C1orf198: variants seen among roughly 807,000 people sequenced by gnomAD.
C1orf198 encodes the protein uncharacterized protein C1orf198.
In C1orf198, 17 loss-of-function variants were observed where a neutral mutation model predicts 31.4. That is an observed-to-expected ratio of 0.54 (90% CI 0.37 to 0.81). The LOEUF (loss-of-function observed/expected upper bound fraction) is 0.81, where lower values mean the gene tolerates loss of function less well. Ranked by LOEUF, C1orf198 falls within the 40% of genes least tolerant of loss-of-function variation. The probability of loss-of-function intolerance (pLI) is 0.00; values close to 1 mark genes in which losing one functional copy is unlikely to be tolerated. For missense variants in C1orf198, 401 were observed against 450.3 expected (o/e 0.89, Z 0.99); for synonymous variants, 175 against 193.8 (o/e 0.90, Z 0.81).
At chr1:230,864,340 A>G (rs1279538183) in intron 1 of C1orf198, among the ~76,000 whole-genome samples, 2 of 152,208 alleles carry the variant, frequency 1.3e-5, no homozygotes, top group African/African-American at 2.4e-5. Flanking sequence ...GCAGTTTGCT[A>G]AACATAGGTA....
In C1orf198 at chr1:230,844,539, T is replaced by C. The variant is rs371223231; in HGVS notation, c.385-643A>G. On this transcript the variant is annotated intron_variant, in intron 2 of 3. Transcript: ENST00000366663. ...TTAAAACAACACAAGAACACACTGA[T>C]ACACTCCCTCATGCACTATGCTACA... 5.3e-5 allele frequency among the ~76,000 whole-genome samples: 8 copies of C among 152,284 alleles called. No individual in the cohort carries two copies. The South Asian group carries it at 8.3e-4, about 16-fold the overall frequency.
chr1:230,862,951 T>C (rs1174220193), intron 1 of C1orf198, among the ~76,000 whole-genome samples: 1 of 152,230 alleles, frequency 6.6e-6, no homozygotes, highest in Non-Finnish European at 1.5e-5. Context: ...ACTTTGTACC[T>C]TCTGCTCAAT....
Position 230,857,927 on chromosome 1 carries a change from G to A in C1orf198, c.334-2209C>T, listed in dbSNP as rs1202572. Among the ~76,000 whole-genome samples, 14,421 of 152,284 alleles carry A rather than the reference G, an allele frequency of 0.095. 862 individuals are homozygous for A. The highest frequency in any genetic ancestry group is 0.22 in the Middle Eastern group (66 of 294). On this transcript the variant is annotated intron_variant, in intron 1 of 3. Transcript: ENST00000366663. This position sits in a 1 kb window ranked among gnomAD's most constrained non-coding sequence, Gnocchi z 4.2. ...CTCAGAGTGTTACAGTCACTGTCCT[G>A]TAATGGTATTTGCTTATGATCCTGA...
chr1:230,855,214 T>C (rs562324889), intron 2 of C1orf198, among the ~76,000 whole-genome samples: 27 of 152,206 alleles, frequency 1.8e-4, no homozygotes, highest in African/African-American at 6.0e-4. Context: ...GAATTAGTGA[T>C]CCACGTTGGG....
At chr1:230,842,955 C>T (rs780133353) in intron 3 of C1orf198, among the ~76,000 whole-genome samples, 14 of 152,122 alleles carry the variant, frequency 9.2e-5, no homozygotes, top group Non-Finnish European at 1.3e-4. Context: ...GCTCCCCTGG[C>T]CCAAATCCAG....
chr1:230,849,258 G>A (rs112729721), intron 2 of C1orf198, among the ~76,000 whole-genome samples: 11 of 152,192 alleles, frequency 7.2e-5, no homozygotes, highest in African/African-American at 2.4e-4. Context: ...CCTCTCCCAC[G>A]GCACTGAGCA....
intron 1 of C1orf198, among the ~76,000 whole-genome samples, chr1:230,864,824 T>C (rs73105766): frequency 0.1 from 15,518 of 152,060 alleles, 1,979 homozygotes; most frequent in African/African-American, 0.3. Flanking sequence ...GACAAGAAGA[T>C]TGGGGGCAGG....
chr1:230,855,903 C>G, intron 1 of C1orf198, 185 bp from the exon 2 acceptor site: 1 of 1,355,294 alleles, frequency 7.4e-7, no homozygotes, highest in East Asian at 2.7e-5. Flanking sequence ...GCTCCCTCAT[C>G]TTTCCCGCTG....
At chr1:230,859,600 AG>A (rs1669963465) in intron 1 of C1orf198, among the ~76,000 whole-genome samples, 1 of 152,182 alleles carries the variant, frequency 6.6e-6, no homozygotes, top group Non-Finnish European at 1.5e-5. Context: ...GCCAAAAAGC[AG>A]GGGGGAAGCT....
Position 230,857,579 on chromosome 1 carries a change from T to G in C1orf198, c.334-1861A>C, listed in dbSNP as rs1434735624. On this transcript the variant is annotated intron_variant, in intron 1 of 3. Transcript: ENST00000366663. The surrounding 1 kb of genome is among the most constrained non-coding windows in gnomAD (Gnocchi z 4.2). ...TGCTGTGTGCCTTGGCTCTGTGCAGTAGAGGCTGGTACATTTGTGGCACAA... is the reference window on the plus strand; with the variant it reads ...TGCTGTGTGCCTTGGCTCTGTGCAGGAGAGGCTGGTACATTTGTGGCACAA... 6.6e-6 allele frequency among the ~76,000 whole-genome samples: 1 copy of G among 152,178 alleles called. No individual in the cohort carries two copies. Among genetic ancestry groups the G allele is most frequent in the East Asian group, 1.9e-4 (1 of 5,168 alleles).
intron 2 of C1orf198, among the ~76,000 whole-genome samples, chr1:230,853,723 C>T (rs1348421525): frequency 1.3e-5 from 2 of 152,168 alleles, no homozygotes; most frequent in Non-Finnish European, 2.9e-5. Flanking sequence ...ATGAAGACTA[C>T]ACTTTACTAA....
intron 2 of C1orf198, among the ~76,000 whole-genome samples, chr1:230,849,418 G>A (rs764617795): frequency 1.1e-4 from 16 of 152,184 alleles, no homozygotes; most frequent in Non-Finnish European, 2.4e-4. Context: ...TGAGACAGGG[G>A]AGATAGGAGA....
rs1334272489 is a variant in C1orf198, at chr1:230,838,501, T to C, written c.*1351A>G. 1 of 147,566 alleles carries C rather than the reference T, an allele frequency of 6.8e-6. No individual in the cohort carries two copies. Among genetic ancestry groups the C allele is most frequent in the African/African-American group, 2.6e-5 (1 of 38,198 alleles). The allele number at this position is 147,566 out of a possible 1,614,324, so 9.1% of individuals were successfully genotyped here. A position where few individuals can be genotyped will look rare whatever the true frequency, so the allele number is the denominator to read the frequency against. On this transcript the variant is annotated 3_prime_UTR_variant, in exon 4 of 4. Coordinates refer to ENST00000366663, the MANE Select transcript of C1orf198 (RefSeq NM_032800.3). The surrounding 1 kb of genome is among the most constrained non-coding windows in gnomAD (Gnocchi z 4.2). ...CTGGAAATCATTTCAGAAGGTCCTA[T>C]GAAACAGGCATTTAAAAAAAAAAAA... is the stretch of plus-strand genomic sequence containing the variant.
rs1453673485 is a variant in C1orf198 at position 230,838,697 on chromosome 1, G to A, written c.*1155C>T. 1.3e-5 allele frequency: 2 copies of A among 152,770 alleles called. No individual in the cohort carries two copies. Among genetic ancestry groups the A allele is most frequent in the African/African-American group, 4.8e-5 (2 of 41,448 alleles). 9.5% of individuals were successfully genotyped at this position (152,770 alleles called of 1,614,324 possible). A position where few individuals can be genotyped will look rare whatever the true frequency, so the allele number is the denominator to read the frequency against. ...GGCTCACACGGCTCAGGGGCCACTG[G>A]GCAGGACAGCCTCTGAGTGCAGCAG... On this transcript the variant is annotated 3_prime_UTR_variant, in exon 4 of 4. Coordinates refer to ENST00000366663, the MANE Select transcript of C1orf198 (RefSeq NM_032800.3). The surrounding 1 kb of genome is among the most constrained non-coding windows in gnomAD (Gnocchi z 4.2).
At chr1:230,842,761 A>T (rs1314439628) in intron 3 of C1orf198, among the ~76,000 whole-genome samples, 1 of 152,096 alleles carries the variant, frequency 6.6e-6, no homozygotes, top group Non-Finnish European at 1.5e-5. Flanking sequence ...ATTAAAAAAA[A>T]AAAGAGTGAC....
At chr1:230,855,895 T>G in intron 1 of C1orf198, 177 bp from the exon 2 acceptor site, 3 of 1,367,492 alleles carry the variant, frequency 2.2e-6, no homozygotes, top group Non-Finnish European at 2.8e-6. Context: ...ATCAGATTGC[T>G]CCCTCATCTT....
At chr1:230,852,159 G>C (rs952829535) in intron 2 of C1orf198, among the ~76,000 whole-genome samples, 1 of 152,140 alleles carries the variant, frequency 6.6e-6, no homozygotes, top group African/African-American at 2.4e-5. Context: ...TTAAACGTAT[G>C]GAGAAAATGA....
chr1:230,839,058 G>C lies in C1orf198; in HGVS notation c.*794C>G, dbSNP rs1236458151. On this transcript the variant is annotated 3_prime_UTR_variant, in exon 4 of 4. Transcript: ENST00000366663. ...GCCCAGTCCGGGGAACAACCAACAG[G>C]TCACATAAGCAACAAGAACTTCCAA... 1 of 152,504 alleles carries C rather than the reference G, an allele frequency of 6.6e-6. No homozygotes were observed. The highest frequency in any genetic ancestry group is 1.5e-5 in the Non-Finnish European group (1 of 68,108). 9.4% of individuals were successfully genotyped at this position (152,504 alleles called of 1,614,324 possible).
chr1:230,864,611 C>T (rs1180547755), intron 1 of C1orf198, among the ~76,000 whole-genome samples: 4 of 152,042 alleles, frequency 2.6e-5, no homozygotes, highest in Non-Finnish European at 5.9e-5. Context: ...TGTGAAACCC[C>T]GATTAGGGAT....
Sources: gnomAD v4.1 joint callset for allele counts (sites outside exome capture counted in the v4.1 genomes callset) on GRCh38, gnomAD v4.1.1 for gene constraint, Gnocchi (gnomAD v3.1) non-coding constraint, MANE v1.5 for transcripts, NCBI Gene and HGNC (gene_info 2026-07-23, HGNC 2026-07-21) for gene names.